The following ATXN7 variants were observed in gnomAD, a reference collection of about 807,000 sequenced individuals.
ATXN7 encodes ataxin-7.
A neutral mutation model predicts 70.5 loss-of-function variants in ATXN7; 12 were observed. The observed-to-expected ratio is 0.17, with a 90% CI of 0.11 to 0.28. ATXN7 has a LOEUF of 0.28. Ranked by LOEUF, ATXN7 falls within the 10% of genes least tolerant of loss-of-function variation. The pLI is 1.00. For missense variants in ATXN7, 1,256 were observed against 1,131.7 expected, an observed-to-expected ratio of 1.11 and a Z score of -1.58; for synonymous variants, 498 against 448.7, an observed-to-expected ratio of 1.11 and a Z score of -1.39.
chr3:63,997,902 G>C, intron 12 of ATXN7: 1 of 985,320 alleles, frequency 1.0e-6, no homozygotes, highest in African/African-American at 1.7e-5. Context: ...ATGCATTATG[G>C]GTTATTATAT....
At chr3:63,983,384 C>G (rs1412215781) in intron 8 of ATXN7, among the ~76,000 whole-genome samples, 1 of 152,082 alleles carries the variant, frequency 6.6e-6, no homozygotes. Context: ...ATTTCCCTTG[C>G]GTGTGTATGA....
chr3:63,912,691 G>GCCC lies in ATXN7; in HGVS notation c.94_95insCCC (p.Gln31_Gln32insPro), dbSNP rs1704084577. 2.3e-5 allele frequency: 26 copies of GCCC among 1,119,284 alleles called. No individual in the cohort carries two copies. The highest frequency in any genetic ancestry group is 2.6e-5 in the Non-Finnish European group (24 of 910,438). The allele number at this position is 1,119,284 out of a possible 1,614,324, so 69.3% of individuals were successfully genotyped here. On this transcript the variant is annotated inframe_insertion, in exon 3 of 13. Transcript: ENST00000674280. ...CAGCGGCCGCGGCCGCCCGGCAGCA[G>GCCC]CAGCAGCAGCAGCAGCAGCAGCAGC... is the stretch of plus-strand genomic sequence containing the variant.
chr3:63,938,324 C>T (rs1385079833), intron 4 of ATXN7, among the ~76,000 whole-genome samples: 3 of 152,110 alleles, frequency 2.0e-5, no homozygotes, highest in Admixed American at 6.6e-5. Flanking sequence ...GATGAACTAA[C>T]GATCAAAACA....
At chr3:63,977,964 A>G (rs1256221670) in intron 5 of ATXN7, among the ~76,000 whole-genome samples, 1 of 152,238 alleles carries the variant, frequency 6.6e-6, no homozygotes, top group Non-Finnish European at 1.5e-5. Context: ...ACACTAATTC[A>G]AGACAAGTAG....
chr3:63,963,041 C>T, intron 5 of ATXN7, among the ~76,000 whole-genome samples: 1 of 151,334 alleles, frequency 6.6e-6, no homozygotes, highest in Non-Finnish European at 1.5e-5. Flanking sequence ...TCAGCCCTTC[C>T]AGTACCTGGG....
chr3:63,957,087 TTTTTGAGGCTG>T (rs771911603), intron 5 of ATXN7, among the ~76,000 whole-genome samples: 7 of 152,192 alleles, frequency 4.6e-5, no homozygotes, highest in Non-Finnish European at 1.0e-4. Flanking sequence ...TTGTGGGGTG[TTTTTGAGGCTG>T]TATACTGAGA....
chr3:63,994,015 A>G (rs1381212022), intron 11 of ATXN7, among the ~76,000 whole-genome samples: 6 of 152,116 alleles, frequency 3.9e-5, no homozygotes, highest in Non-Finnish European at 7.4e-5. Context: ...TAGTGCGGGG[A>G]GAGAGAGCCT....
intron 8 of ATXN7, among the ~76,000 whole-genome samples, chr3:63,986,630 A>G (rs1289658473): frequency 6.6e-6 from 1 of 152,238 alleles, no homozygotes; most frequent in African/African-American, 2.4e-5. Flanking sequence ...CACAAACAAA[A>G]CAAAGTTCCT....
chr3:63,943,853 T>C (rs2074811528), intron 4 of ATXN7, among the ~76,000 whole-genome samples: 1 of 152,208 alleles, frequency 6.6e-6, no homozygotes, highest in Admixed American at 6.5e-5. Flanking sequence ...CTCATTTTCA[T>C]TGTATAGTCT....
At chr3:63,945,356 A>G (rs934180145) in intron 4 of ATXN7, among the ~76,000 whole-genome samples, 1 of 152,254 alleles carries the variant, frequency 6.6e-6, no homozygotes, top group Non-Finnish European at 1.5e-5. Flanking sequence ...TCACTAGCAC[A>G]AAAGAATTTG....
chr3:63,894,512 C>G (rs750535725), intron 1 of ATXN7, among the ~76,000 whole-genome samples: 1 of 152,116 alleles, frequency 6.6e-6, no homozygotes, highest in Non-Finnish European at 1.5e-5. Flanking sequence ...TGGCATGGAG[C>G]ACATTCTCAA....
At chr3:63,894,171 T>C (rs150800162) in intron 1 of ATXN7, among the ~76,000 whole-genome samples, 238 of 152,304 alleles carry the variant, frequency 1.6e-3, no homozygotes, top group African/African-American at 5.3e-3. Flanking sequence ...CTTTGGAAAT[T>C]ACATGCCAAA....
intron 5 of ATXN7, among the ~76,000 whole-genome samples, chr3:63,969,411 T>C (rs193254389): frequency 6.6e-6 from 1 of 152,324 alleles, no homozygotes; most frequent in African/African-American, 2.4e-5. Flanking sequence ...GAGTTGCTCT[T>C]GTTTGTTGGA....
intron 1 of ATXN7, among the ~76,000 whole-genome samples, chr3:63,892,772 T>C (rs1469717898): frequency 1.3e-5 from 2 of 152,156 alleles, no homozygotes; most frequent in African/African-American, 2.4e-5. Context: ...TCATCAGGCA[T>C]TTATTAACAC....
intron 5 of ATXN7, among the ~76,000 whole-genome samples, chr3:63,960,233 T>G (rs2075105505): frequency 1.3e-5 from 2 of 152,102 alleles, no homozygotes; most frequent in Non-Finnish European, 2.9e-5. Context: ...ATGGAAGTGG[T>G]CTTGGCAGAA....
rs1162190037 is a variant in ATXN7 at position 63,921,768 on chromosome 3, G to A, written c.394+8543G>A. Among the ~76,000 whole-genome samples, 6 of 152,308 alleles carry A rather than the reference G, an allele frequency of 3.9e-5. No individual in the cohort carries two copies. The East Asian group carries it at 1.2e-3, about 29-fold the overall frequency. ...GAAGGAAACCGCATAGCTTTACTGA[G>A]CCTCACTTGACTCAGGTATAAAATG... On this transcript the variant is annotated intron_variant, in intron 4 of 12. Coordinates refer to ENST00000674280, the MANE Select transcript of ATXN7 (RefSeq NM_001377405.1).
chr3:63,956,306 T>C (rs1215861137), intron 5 of ATXN7, among the ~76,000 whole-genome samples: 1 of 150,090 alleles, frequency 6.7e-6, no homozygotes, highest in East Asian at 2.0e-4. Context: ...TGGCGTGCGC[T>C]CCCACTTGGG....
At chr3:63,977,608 G>A (rs1483701933) in intron 5 of ATXN7, among the ~76,000 whole-genome samples, 4 of 152,020 alleles carry the variant, frequency 2.6e-5, no homozygotes, top group African/African-American at 4.8e-5. Context: ...TATTGTTTTG[G>A]AAAAAAATCT....
chr3:63,910,826 ATGTGTG>A (rs143497786), intron 2 of ATXN7, among the ~76,000 whole-genome samples: 4 of 150,732 alleles, frequency 2.7e-5, no homozygotes, highest in African/African-American at 7.3e-5. Flanking sequence ...TAAAATAAAA[ATGTGTG>A]TGTGTGTGTG....
Sources: gnomAD v4.1 joint callset for allele counts (sites outside exome capture counted in the v4.1 genomes callset) on GRCh38, gnomAD v4.1.1 for gene constraint, MANE v1.5 for transcripts, NCBI Gene and HGNC (gene_info 2026-07-23, HGNC 2026-07-21) for gene names.